The following SYNGR4 variants were observed in gnomAD, a reference collection of about 807,000 sequenced individuals.
SYNGR4 encodes the protein synaptogyrin-4.
A neutral mutation model predicts 15.5 loss-of-function variants in SYNGR4; 15 were observed. That is an observed-to-expected ratio of 0.97 (90% CI 0.65 to 1.49). The LOEUF is 1.49. SYNGR4 is among the 40% of genes most tolerant of loss of function. The pLI is 0.00. For synonymous variants in SYNGR4, 121 were observed against 127.4 expected (o/e 0.95, Z 0.34); for missense variants, 292 against 299.3 (o/e 0.98, Z 0.18).
intron 2 of SYNGR4, among the ~76,000 whole-genome samples, chr19:48,372,725 C>G (rs990124767): frequency 1.2e-4 from 18 of 151,956 alleles, no homozygotes; most frequent in African/African-American, 4.4e-4. Flanking sequence ...AATCCCGAAG[C>G]CAAAAAACAA....
At chr19:48,369,723 G>A (rs1184234267) in intron 2 of SYNGR4, among the ~76,000 whole-genome samples, 4 of 152,136 alleles carry the variant, frequency 2.6e-5, no homozygotes, top group Non-Finnish European at 5.9e-5. Flanking sequence ...TCTCCACCAC[G>A]TGGGGCCGGT....
rs373393648 is a variant in SYNGR4 at position 48,371,322 on chromosome 19, C to A, written c.94-2195C>A. Reference sequence around the variant, plus strand: ...TGGCTTCCACCTTGACTCTCTCCCCCACCCCAGGCCCCAGCCTCCTCCCCA... The same window carrying A: ...TGGCTTCCACCTTGACTCTCTCCCCAACCCCAGGCCCCAGCCTCCTCCCCA... On this transcript the variant is annotated intron_variant, in intron 2 of 4. Coordinates refer to ENST00000344846, the MANE Select transcript of SYNGR4 (RefSeq NM_012451.4). Among the ~76,000 whole-genome samples, 81 of 152,152 alleles carry A rather than the reference C, an allele frequency of 5.3e-4. 1 individual carries two copies. The South Asian group carries it at 0.012, about 23-fold the overall frequency.
chr19:48,371,144 T>C (rs1970298436), intron 2 of SYNGR4, among the ~76,000 whole-genome samples: 1 of 152,128 alleles, frequency 6.6e-6, no homozygotes, highest in South Asian at 2.1e-4. Flanking sequence ...AGTGAGTTTC[T>C]CTCTTATCTC....
chr19:48,368,799 C>G (rs902242901), intron 2 of SYNGR4, among the ~76,000 whole-genome samples: 5 of 152,176 alleles, frequency 3.3e-5, no homozygotes, highest in African/African-American at 1.2e-4. Flanking sequence ...AAAACCGCAT[C>G]CCAGCACCAG....
rs189180625 is a variant in SYNGR4, at chr19:48,371,683, T to A, written c.94-1834T>A. Among the ~76,000 whole-genome samples, 22 of 151,280 alleles carry A rather than the reference T, an allele frequency of 1.5e-4. No individual in the cohort carries two copies. The East Asian group carries it at 4.3e-3, about 29-fold the overall frequency. Reference sequence around the variant, plus strand: ...GCCTTGACTTCTGGGTCTCAAGTGATCCTCCTACCTCAGCCCCCCAAGTAC... The same window carrying A: ...GCCTTGACTTCTGGGTCTCAAGTGAACCTCCTACCTCAGCCCCCCAAGTAC... On this transcript the variant is annotated intron_variant, in intron 2 of 4. Coordinates refer to ENST00000344846, the MANE Select transcript of SYNGR4 (RefSeq NM_012451.4).
intron 3 of SYNGR4, among the ~76,000 whole-genome samples, chr19:48,374,033 G>A (rs1167959495): frequency 2.7e-5 from 4 of 150,642 alleles, no homozygotes; most frequent in Admixed American, 6.6e-5. Flanking sequence ...CTTCTGCCCC[G>A]TGCCTTCTTT....
rs550565345 is a variant in SYNGR4, at chr19:48,373,428, G to A, written c.94-89G>A. The A allele has an allele frequency of 6.8e-5, 75 of 1,100,604 alleles. No homozygotes were observed. In the South Asian group the frequency reaches 9.4e-4, roughly 14 times the overall value. 68.2% of individuals were successfully genotyped at this position (1,100,604 alleles called of 1,614,324 possible). On this transcript the variant is annotated intron_variant, in intron 2 of 4. Coordinates refer to ENST00000344846, the MANE Select transcript of SYNGR4 (RefSeq NM_012451.4). Reference sequence around the variant, plus strand: ...GAGGTCCAGACGGACCAGTGACTGGGTATACGGAAAGACCGACAGCACCAG... The same window carrying A: ...GAGGTCCAGACGGACCAGTGACTGGATATACGGAAAGACCGACAGCACCAG...
intron 2 of SYNGR4, among the ~76,000 whole-genome samples, chr19:48,366,772 T>C (rs1281338260): frequency 6.6e-6 from 1 of 152,148 alleles, no homozygotes; most frequent in Non-Finnish European, 1.5e-5. Context: ...TACCTCACTT[T>C]GCACTAATTA....
intron 3 of SYNGR4, among the ~76,000 whole-genome samples, chr19:48,374,114 TGTCGCCAGGCTGGA>T (rs1600947902): frequency 6.7e-6 from 1 of 149,110 alleles, no homozygotes; most frequent in Non-Finnish European, 1.5e-5. Context: ...AGTCTCACTC[TGTCGCCAGGCTGGA>T]GTGCACTGGC....
rs751793966 is a variant in SYNGR4, at chr19:48,376,069, G to A, written c.472-16G>A. 25 of 1,614,084 alleles carry A rather than the reference G, an allele frequency of 1.5e-5. No homozygotes were observed. The East Asian group carries it at 1.6e-4, about 10-fold the overall frequency. On this transcript the variant is annotated splice_polypyrimidine_tract_variant and intron_variant, in intron 4 of 4. Transcript: ENST00000344846. ...CAGCCCAAGTCAGCCTTCAGCACGC[G>A]CTTTTCTGCCCACAGATATTCCAGG...
At chr19:48,370,845 G>A (rs1970293785) in intron 2 of SYNGR4, among the ~76,000 whole-genome samples, 1 of 152,052 alleles carries the variant, frequency 6.6e-6, no homozygotes, top group African/African-American at 2.4e-5. Flanking sequence ...AAATATTACT[G>A]AATTCCCCAG....
chr19:48,376,066 C>G lies in SYNGR4; in HGVS notation c.472-19C>G, dbSNP rs776600371. 8 of 1,614,114 alleles carry G rather than the reference C, an allele frequency of 5.0e-6. No individual in the cohort carries two copies. The highest frequency in any genetic ancestry group is 5.9e-6 in the Non-Finnish European group (7 of 1,180,016). On this transcript the variant is annotated intron_variant, in intron 4 of 4. Coordinates refer to ENST00000344846, the MANE Select transcript of SYNGR4 (RefSeq NM_012451.4). ...GCCCAGCCCAAGTCAGCCTTCAGCA[C>G]GCGCTTTTCTGCCCACAGATATTCC... is the stretch of plus-strand genomic sequence containing the variant.
chr19:48,365,637 C>G (rs1262526248), intron 1 of SYNGR4, 99 bp from the exon 2 acceptor site: 8 of 223,266 alleles, frequency 3.6e-5, no homozygotes, highest in Middle Eastern at 1.4e-3. Flanking sequence ...TTCCGGGGAC[C>G]CCCCCCATCC....
intron 1 of SYNGR4, among the ~76,000 whole-genome samples, chr19:48,365,265 C>G: frequency 1.5e-5 from 1 of 65,804 alleles, no homozygotes; most frequent in South Asian, 6.4e-4. Flanking sequence ...CACACACAAC[C>G]CCATTCCTGG....
Position 48,373,764 on chromosome 19 carries a change from C to T in SYNGR4, c.331+10C>T, listed in dbSNP as rs768015311. ...GACTTCATCCTGGCTGGTGAGCCCC[C>T]AGGACCCCCAACCCAGAGCTGCCCC... On this transcript the variant is annotated intron_variant, in intron 3 of 4. Coordinates refer to ENST00000344846, the MANE Select transcript of SYNGR4 (RefSeq NM_012451.4). 5 of 1,612,908 alleles carry T rather than the reference C, an allele frequency of 3.1e-6. No individual in the cohort carries two copies. The South Asian group carries it at 5.5e-5, about 18-fold the overall frequency.
intron 3 of SYNGR4, among the ~76,000 whole-genome samples, chr19:48,374,205 G>A (rs1319123407): frequency 6.6e-6 from 1 of 151,640 alleles, no homozygotes; most frequent in Non-Finnish European, 1.5e-5. Flanking sequence ...AGCCTCCTGA[G>A]TAGCTGGGAT....
Position 48,374,993 on chromosome 19 carries a change from A to C in SYNGR4, c.332-620A>C, listed in dbSNP as rs111630392. 2.5e-3 allele frequency among the ~76,000 whole-genome samples: 387 copies of C among 151,770 alleles called. 2 individuals are homozygous for C. Among genetic ancestry groups the C allele is most frequent in the African/African-American group, 7.1e-3 (292 of 41,406 alleles). ...TCTGTCTCAATAACAACAACAACAA[A>C]AAAAGAAATGTGGCCAGTGCAGCTG... On this transcript the variant is annotated intron_variant, in intron 3 of 4. Transcript: ENST00000344846.
chr19:48,376,169 G>C lies in SYNGR4; in HGVS notation c.556G>C (p.Val186Leu). The change falls in exon 5 of 5, where the codon GTG becomes CTG. Residue 186 changes from valine (V) to leucine (L), a missense_variant. Physicochemically the swap from Val to Leu is conservative, Grantham distance 32 (BLOSUM62 1). Coordinates refer to ENST00000344846, the MANE Select transcript of SYNGR4 (RefSeq NM_012451.4). ...YKRFLDEGGM[V>L]LTTLPLPSAN... Reference sequence around the variant, plus strand: ...GCGCTTCCTGGATGAGGGTGGCATGGTGCTGACCACCCTCCCCTTGCCCTC... The same window carrying C: ...GCGCTTCCTGGATGAGGGTGGCATGCTGCTGACCACCCTCCCCTTGCCCTC... The C allele has an allele frequency of 6.2e-7, 1 of 1,614,068 alleles. No homozygotes were observed. The highest frequency in any genetic ancestry group is 1.1e-5 in the South Asian group (1 of 91,086).
intron 2 of SYNGR4, among the ~76,000 whole-genome samples, chr19:48,368,988 G>A (rs533744125): frequency 2.4e-4 from 36 of 152,310 alleles, no homozygotes; most frequent in Non-Finnish European, 4.4e-4. Flanking sequence ...GGAAAGCCTC[G>A]GAAGGCAGGG....
Sources: gnomAD v4.1 joint callset for allele counts (sites outside exome capture counted in the v4.1 genomes callset) on GRCh38, gnomAD v4.1.1 for gene constraint, MANE v1.5 for transcripts, NCBI Gene and HGNC (gene_info 2026-07-23, HGNC 2026-07-21) for gene names.